The following TRIM24 variants were observed in gnomAD, a reference collection of about 807,000 sequenced individuals.
TRIM24 encodes tripartite motif containing 24.
TRIM24 carries 29 observed loss-of-function variants against 123.9 expected under a neutral mutation model. That is an observed-to-expected ratio of 0.23 (90% CI 0.17 to 0.32). TRIM24 has a LOEUF of 0.32. Ranked by LOEUF, TRIM24 falls within the 10% of genes least tolerant of loss-of-function variation. The pLI is 1.00. For synonymous variants in TRIM24, 456 were observed against 461.1 expected (o/e 0.99, Z 0.14); for missense variants, 932 against 1,295.3 (o/e 0.72, Z 4.31).
chr7:138,554,789 A>C lies in TRIM24; in HGVS notation c.1353A>C (p.Leu451Phe). 1 of 1,614,212 alleles carries C rather than the reference A, an allele frequency of 6.2e-7. No individual in the cohort carries two copies. Among genetic ancestry groups the C allele is most frequent in the Non-Finnish European group, 8.5e-7 (1 of 1,180,002 alleles). The change falls in exon 9 of 19, where the codon TTA becomes TTC. Residue 451 changes from leucine (L) to phenylalanine (F), a missense_variant. Physicochemically the swap from Leu to Phe is conservative, Grantham distance 22 (BLOSUM62 0). This residue lies in a region of TRIM24 where 527 missense variants were observed against 691.3 expected (regional missense o/e 0.76). Transcript: ENST00000343526. This position sits in a 1 kb window ranked among gnomAD's most constrained non-coding sequence, Gnocchi z 4.5. The stretch of plus-strand genomic sequence containing the variant: ...AGAATTCACAGCCACCAAGTGGTTT[A>C]TCATCAAACCAGTTATCCAAGTTCC... ...VEQNSQPPSG[L>F]SSNQLSKFPT...
intron 1 of TRIM24, among the ~76,000 whole-genome samples, chr7:138,502,631 A>G (rs1236498062): frequency 1.3e-5 from 2 of 152,214 alleles, no homozygotes; most frequent in Non-Finnish European, 2.9e-5. Flanking sequence ...AATTGGGGGT[A>G]ACACTTAATG....
intron 7 of TRIM24, among the ~76,000 whole-genome samples, chr7:138,547,076 T>A (rs890775828): frequency 1.3e-5 from 2 of 152,224 alleles, no homozygotes; most frequent in African/African-American, 4.8e-5. Context: ...GTGGTACATA[T>A]ACCCAATGGA....
intron 6 of TRIM24, among the ~76,000 whole-genome samples, chr7:138,535,205 G>T (rs1405291574): frequency 2.0e-5 from 3 of 152,172 alleles, no homozygotes; most frequent in Admixed American, 6.5e-5. Flanking sequence ...GGAGCATTTA[G>T]CCCATTTACA....
chr7:138,471,722 G>A (rs192282761), intron 1 of TRIM24, among the ~76,000 whole-genome samples: 2 of 151,984 alleles, frequency 1.3e-5, no homozygotes, highest in Non-Finnish European at 2.9e-5. Context: ...TGTATTTTTA[G>A]TAGAGATGGG....
intron 2 of TRIM24, 36 bp downstream of exon 2, chr7:138,504,444 G>GTTTTTTTTTT (rs1563036659): frequency 3.3e-6 from 2 of 603,602 alleles, no homozygotes; most frequent in Non-Finnish European, 2.5e-6. Context: ...TTGCCTGCCA[G>GTTTTTTTTTT]CTCTTTTTTT....
chr7:138,484,657 C>T (rs193099821), intron 1 of TRIM24, among the ~76,000 whole-genome samples: 14 of 152,060 alleles, frequency 9.2e-5, no homozygotes, highest in Non-Finnish European at 1.6e-4. Flanking sequence ...CTTTGTAATA[C>T]TGCCCTTATG....
intron 1 of TRIM24, among the ~76,000 whole-genome samples, chr7:138,501,897 A>C (rs1013165511): frequency 6.6e-6 from 1 of 150,768 alleles, no homozygotes; most frequent in Non-Finnish European, 1.5e-5. Flanking sequence ...CAAAAAAAAA[A>C]ACCAGTAGCA....
intron 16 of TRIM24, 111 bp downstream of exon 16, chr7:138,580,805 AAG>A: frequency 9.4e-7 from 1 of 1,058,648 alleles, no homozygotes; most frequent in Non-Finnish European, 1.3e-6. Flanking sequence ...CTTTTTATTT[AAG>A]AGTATTTTTT....
intron 9 of TRIM24, among the ~76,000 whole-genome samples, chr7:138,564,930 A>G (rs1251408174): frequency 6.6e-6 from 1 of 151,910 alleles, no homozygotes; most frequent in Non-Finnish European, 1.5e-5. Context: ...TCTCACTTTC[A>G]CTTCGGACCG....
chr7:138,499,465 T>A (rs1795985679), intron 1 of TRIM24, among the ~76,000 whole-genome samples: 1 of 152,206 alleles, frequency 6.6e-6, no homozygotes, highest in Admixed American at 6.5e-5. Context: ...TCATTGCAAA[T>A]CGGTCCCTCA....
chr7:138,500,126 G>A (rs1034225165), intron 1 of TRIM24, among the ~76,000 whole-genome samples: 2 of 152,100 alleles, frequency 1.3e-5, no homozygotes, highest in East Asian at 1.9e-4. Context: ...AAAGAAGTGC[G>A]AGCCATTCCT....
At chr7:138,505,624 A>G (rs902707722) in intron 2 of TRIM24, among the ~76,000 whole-genome samples, 2 of 151,476 alleles carry the variant, frequency 1.3e-5, no homozygotes, top group African/African-American at 4.9e-5. Context: ...GCAGTCTCCA[A>G]CTCCTGGGCT....
intron 2 of TRIM24, among the ~76,000 whole-genome samples, chr7:138,512,635 G>A (rs1413391860): frequency 6.6e-6 from 1 of 151,792 alleles, no homozygotes; most frequent in Non-Finnish European, 1.5e-5. Context: ...GCCATGGCTG[G>A]AACTGGAGAG....
intron 9 of TRIM24, among the ~76,000 whole-genome samples, chr7:138,560,151 T>G (rs1353115631): frequency 6.6e-6 from 1 of 152,240 alleles, no homozygotes; most frequent in Non-Finnish European, 1.5e-5. Context: ...ATGAGTTTTT[T>G]GCCAATATTT....
intron 15 of TRIM24, among the ~76,000 whole-genome samples, 191 bp from the exon 16 acceptor site, chr7:138,580,371 C>G (rs1168542609): frequency 3.3e-5 from 5 of 151,994 alleles, no homozygotes. Flanking sequence ...TAGGCCCTTG[C>G]ATTATATTTC....
intron 2 of TRIM24, among the ~76,000 whole-genome samples, chr7:138,510,461 G>C (rs1412431742): frequency 2.0e-5 from 3 of 152,086 alleles, no homozygotes; most frequent in Non-Finnish European, 4.4e-5. Flanking sequence ...TCACTCTGTT[G>C]CCCAGGCTGG....
At position 138,570,822 on chromosome 7, in the gene TRIM24, T is replaced by C. The variant is rs1797638656; in HGVS notation, c.1705-8T>C. ...ATAGCCTTTGTTCTTCTCTTCTTGT[T>C]ACTGTAGTGGCAGATCAGCAGTGGA... On this transcript the variant is annotated splice_region_variant and splice_polypyrimidine_tract_variant and intron_variant, in intron 10 of 18. Coordinates refer to ENST00000343526, the MANE Select transcript of TRIM24 (RefSeq NM_015905.3). 1 of 1,613,510 alleles carries C rather than the reference T, an allele frequency of 6.2e-7. No individual in the cohort carries two copies. Among genetic ancestry groups the C allele is most frequent in the African/African-American group, 1.3e-5 (1 of 74,890 alleles).
intron 8 of TRIM24, 92 bp downstream of exon 8, chr7:138,551,272 C>T: frequency 8.7e-7 from 1 of 1,147,432 alleles, no homozygotes; most frequent in South Asian, 1.3e-5. Flanking sequence ...TTCACTTAGG[C>T]TGGGCACGGT....
chr7:138,585,781 A>C lies in TRIM24; in HGVS notation c.*830A>C, dbSNP rs748976016. ...AGGTGATCCTTTTACAACAAGCCTCATTGTTTGCAGTATAGCTTTTAGTGG... is the reference window on the plus strand; with the variant it reads ...AGGTGATCCTTTTACAACAAGCCTCCTTGTTTGCAGTATAGCTTTTAGTGG... On this transcript the variant is annotated 3_prime_UTR_variant, in exon 19 of 19. Transcript: ENST00000343526. 1.9e-6 allele frequency: 1 copy of C among 521,964 alleles called. No homozygotes were observed. Among genetic ancestry groups the C allele is most frequent in the African/African-American group, 1.9e-5 (1 of 52,046 alleles). The allele number at this position is 521,964 out of a possible 1,614,324, so 32.3% of individuals were successfully genotyped here. A position where few individuals can be genotyped will look rare whatever the true frequency, so the allele number is the denominator to read the frequency against.
Sources: allele counts gnomAD v4.1 joint callset (sites outside exome capture counted in the v4.1 genomes callset), GRCh38; gene constraint gnomAD v4.1.1; regional missense constraint gnomAD v4.1.1; non-coding constraint Gnocchi (gnomAD v3.1); transcripts MANE v1.5; gene names NCBI Gene and HGNC (gene_info 2026-07-23, HGNC 2026-07-21).